The following CLIC5 variants were observed in gnomAD, a reference collection of about 807,000 sequenced individuals.
CLIC5 encodes CLIC family member 5, also known as chloride intracellular channel protein 5.
CLIC5 carries 20 observed loss-of-function variants against 24.7 expected under a neutral mutation model. The observed-to-expected ratio is 0.81, with a 90% CI of 0.57 to 1.18. The LOEUF (loss-of-function observed/expected upper bound fraction) is 1.18, where lower values mean the gene tolerates loss of function less well. Among genes scored for constraint, CLIC5 ranks in the 50% most tolerant of loss-of-function variants. The probability of loss-of-function intolerance (pLI) is 0.00; values close to 1 mark genes in which losing one functional copy is unlikely to be tolerated. For missense variants in CLIC5, 341 were observed against 326.1 expected (o/e 1.05, Z -0.35); for synonymous variants, 159 against 135.6 (o/e 1.17, Z -1.20).
At chr6:46,003,657 G>T (rs1451931771) in intron 1 of CLIC5, among the ~76,000 whole-genome samples, 2 of 152,090 alleles carry the variant, frequency 1.3e-5, no homozygotes, top group African/African-American at 4.8e-5. Context: ...TGTGGGTTTT[G>T]GATACTCCCA....
the CLIC5 span, among the ~76,000 whole-genome samples, chr6:46,115,587 A>G: frequency 1.3e-5 from 2 of 152,220 alleles, no homozygotes; most frequent in African/African-American, 4.8e-5. Flanking sequence ...AGAATGCACT[A>G]ACACAATTAC....
intron 1 of CLIC5, among the ~76,000 whole-genome samples, chr6:45,981,700 T>C (rs1293570552): frequency 2.0e-5 from 3 of 152,172 alleles, no homozygotes; most frequent in African/African-American, 7.2e-5. Flanking sequence ...GAAGACTCTC[T>C]GTCTGATGAA....
intron 4 of CLIC5, among the ~76,000 whole-genome samples, chr6:45,925,077 G>A (rs926847633): frequency 1.3e-5 from 2 of 152,134 alleles, no homozygotes; most frequent in African/African-American, 4.8e-5. Context: ...ACATTTGCCT[G>A]GAACTCTCTA....
At chr6:46,072,645 C>G (rs1762641135) in intron 1 of CLIC5, among the ~76,000 whole-genome samples, 1 of 152,178 alleles carries the variant, frequency 6.6e-6, no homozygotes, top group Non-Finnish European at 1.5e-5. Flanking sequence ...TCAGAGTTAA[C>G]ATAACTCTCA....
At chr6:46,098,487 T>A in the CLIC5 span, among the ~76,000 whole-genome samples, 3 of 152,222 alleles carry the variant, frequency 2.0e-5, no homozygotes, top group African/African-American at 7.2e-5. Flanking sequence ...AAGCATGTGC[T>A]TAGGGCAGAC....
chr6:46,072,119 A>G (rs1762620888), intron 1 of CLIC5, among the ~76,000 whole-genome samples: 1 of 152,056 alleles, frequency 6.6e-6, no homozygotes, highest in African/African-American at 2.4e-5. Flanking sequence ...AGGATCAGGG[A>G]AAATAACTAA....
chr6:45,983,922 A>G (rs1197164834), intron 1 of CLIC5, among the ~76,000 whole-genome samples: 2 of 152,188 alleles, frequency 1.3e-5, no homozygotes, highest in African/African-American at 4.8e-5. Flanking sequence ...CTAGAACACA[A>G]GACTCCTTAA....
intron 1 of CLIC5, among the ~76,000 whole-genome samples, chr6:46,077,420 A>T (rs6933669): frequency 2.0e-5 from 3 of 151,734 alleles, no homozygotes; most frequent in Non-Finnish European, 4.4e-5. Flanking sequence ...CTAGGAAGAC[A>T]GTGAGCCACA....
chr6:46,080,033 G>A lies in CLIC5; in HGVS notation c.210C>T (p.Ser70=), dbSNP rs1762883063. The change falls in exon 1 of 6, where the codon AGC becomes AGT. Residue 70 remains serine (S), a synonymous_variant. Transcript: ENST00000185206. Reference sequence around the variant, plus strand: ...TGTCTTCTGACTGGACAGAGGCCAAGCTGGTCTCTTCACCCTTAATGGTAT... The same window carrying A: ...TGTCTTCTGACTGGACAGAGGCCAAACTGGTCTCTTCACCCTTAATGGTAT... 1 of 1,551,498 alleles carries A rather than the reference G, an allele frequency of 6.4e-7. No individual in the cohort carries two copies. Among genetic ancestry groups the A allele is most frequent in the Non-Finnish European group, 8.7e-7 (1 of 1,146,778 alleles).
the CLIC5 span, among the ~76,000 whole-genome samples, chr6:46,126,042 T>C: frequency 6.6e-6 from 1 of 152,180 alleles, no homozygotes; most frequent in African/African-American, 2.4e-5. Flanking sequence ...TCACCCCGAT[T>C]TGCTTGTTGC....
chr6:45,975,568 G>T (rs1369064277), intron 1 of CLIC5, among the ~76,000 whole-genome samples: 1 of 152,070 alleles, frequency 6.6e-6, no homozygotes, highest in Non-Finnish European at 1.5e-5. Context: ...GCAAGTGCTT[G>T]TTTCTGTCTA....
chr6:45,923,067 T>C (rs1378733119), intron 4 of CLIC5, among the ~76,000 whole-genome samples: 1 of 152,240 alleles, frequency 6.6e-6, no homozygotes, highest in Non-Finnish European at 1.5e-5. Context: ...GTGTTTTCTA[T>C]TAGACTTTCC....
chr6:46,025,608 C>T (rs1247692405), intron 1 of CLIC5, among the ~76,000 whole-genome samples: 1 of 152,068 alleles, frequency 6.6e-6, no homozygotes, highest in African/African-American at 2.4e-5. Context: ...AAAGGCCCAG[C>T]CTGGAAATGA....
At chr6:46,054,447 T>C (rs1768191268) in intron 1 of CLIC5, among the ~76,000 whole-genome samples, 1 of 152,204 alleles carries the variant, frequency 6.6e-6, no homozygotes, top group Non-Finnish European at 1.5e-5. Context: ...CTGGGTATAA[T>C]TTCATTTCTC....
At chr6:45,888,879 A>G (rs1202271047) in intron 6 of CLIC5, among the ~76,000 whole-genome samples, 1 of 152,246 alleles carries the variant, frequency 6.6e-6, no homozygotes, top group Non-Finnish European at 1.5e-5. Flanking sequence ...TGGTAGCATG[A>G]CATCTATTTA....
chr6:46,007,509 T>C (rs1242115921), intron 1 of CLIC5, among the ~76,000 whole-genome samples: 1 of 152,216 alleles, frequency 6.6e-6, no homozygotes, highest in African/African-American at 2.4e-5. Flanking sequence ...CTTTTGGCCC[T>C]TGTTTGGACT....
chr6:45,897,736 T>C (rs753984200), downstream of CLIC5, among the ~76,000 whole-genome samples: 3 of 152,084 alleles, frequency 2.0e-5, no homozygotes, highest in Non-Finnish European at 2.9e-5. Context: ...GAGTCAGTGA[T>C]GTGGTGTTGA....
the CLIC5 span, among the ~76,000 whole-genome samples, chr6:46,112,745 G>T: frequency 6.6e-6 from 1 of 152,146 alleles, no homozygotes; most frequent in Admixed American, 6.6e-5. Context: ...GCTTATCAAG[G>T]TCTCTGAGAA....
intron 5 of CLIC5, chr6:45,913,857 C>T: frequency 8.3e-7 from 1 of 1,205,296 alleles, no homozygotes. Flanking sequence ...TTTAATAGAG[C>T]TGTAGGGGTG....
Sources: gnomAD v4.1 joint callset for allele counts (sites outside exome capture counted in the v4.1 genomes callset) on GRCh38, gnomAD v4.1.1 for gene constraint, MANE v1.5 for transcripts, NCBI Gene and HGNC (gene_info 2026-07-23, HGNC 2026-07-21) for gene names.